Variants in INPP5D observed in about 807,000 individuals in gnomAD.
INPP5D encodes phosphatidylinositol 3,4,5-trisphosphate 5-phosphatase 1.
Under a neutral mutation model 122.9 loss-of-function variants are expected in INPP5D, and 33 were observed. The ratio of observed to expected loss-of-function variants is 0.27; its 90% CI spans 0.20 to 0.36. INPP5D has a LOEUF of 0.36. Ranked by LOEUF, INPP5D falls within the 10% of genes least tolerant of loss-of-function variation. The probability of loss-of-function intolerance (pLI) is 1.00; values close to 1 mark genes in which losing one functional copy is unlikely to be tolerated. For synonymous variants in INPP5D, 584 were observed against 576.2 expected, an observed-to-expected ratio of 1.01 and a Z score of -0.19; for missense variants, 1,053 against 1,412.7, an observed-to-expected ratio of 0.75 and a Z score of 4.08.
rs1693520793 is a variant in INPP5D at position 233,137,856 on chromosome 2, ATATATATATATATATATAT to A, written c.666-1985_666-1967del. Among the ~76,000 whole-genome samples the A allele has an allele frequency of 9.7e-4, 14 of 14,374 alleles. 3 individuals carry two copies. Among genetic ancestry groups the A allele is most frequent in the East Asian group, 4.2e-3 (2 of 474 alleles). The allele number at this position is 14,374 out of a possible 152,430, so 9.4% of individuals were successfully genotyped here. ...ACAAAAAAAAAAAAAAAAAAAAAAT[ATATATATATATATATATAT>A]ATATATATATATATATATATATACA... is the stretch of plus-strand genomic sequence containing the variant. On this transcript the variant is annotated intron_variant, in intron 5 of 26. Coordinates refer to ENST00000445964, the MANE Select transcript of INPP5D (RefSeq NM_001017915.3).
chr2:233,121,789 G>A (rs769105520), intron 2 of INPP5D, among the ~76,000 whole-genome samples: 1 of 152,086 alleles, frequency 6.6e-6, no homozygotes. Flanking sequence ...GCCTCCCAAA[G>A]TGCTGGGATT....
At chr2:233,154,157 G>GT (rs369946228) in intron 9 of INPP5D, among the ~76,000 whole-genome samples, 76,869 of 151,468 alleles carry the variant, frequency 0.51, 20,172 homozygotes, top group South Asian at 0.64. Context: ...AATTCTTTTT[G>GT]TTTTTTTTGA....
intron 3 of INPP5D, among the ~76,000 whole-genome samples, chr2:233,122,569 G>A (rs960953774): frequency 2.6e-5 from 4 of 152,206 alleles, no homozygotes; most frequent in African/African-American, 7.2e-5. Flanking sequence ...TTGGGAGGCC[G>A]AGGTGGGAGG....
intron 11 of INPP5D, among the ~76,000 whole-genome samples, chr2:233,162,520 T>A (rs181273446): frequency 6.6e-6 from 1 of 150,914 alleles, no homozygotes; most frequent in Non-Finnish European, 1.5e-5. Flanking sequence ...TATTGTGTAT[T>A]TACTAAACAC....
intron 1 of INPP5D, among the ~76,000 whole-genome samples, chr2:233,075,330 G>C (rs1244023864): frequency 6.6e-6 from 1 of 152,220 alleles, no homozygotes; most frequent in Non-Finnish European, 1.5e-5. Context: ...CTGAGAGCCA[G>C]TGTTAGCGTA....
chr2:233,144,394 A>ATG (rs1574761807), intron 6 of INPP5D, among the ~76,000 whole-genome samples: 1 of 97,034 alleles, frequency 1.0e-5, no homozygotes, highest in African/African-American at 4.2e-5. Flanking sequence ...TCACGGTGGG[A>ATG]GTGATAGGGG....
At chr2:233,121,544 G>A (rs894151763) in intron 2 of INPP5D, among the ~76,000 whole-genome samples, 6 of 72,178 alleles carry the variant, frequency 8.3e-5, no homozygotes, top group African/African-American at 2.6e-4. Context: ...ATTTTATTTC[G>A]AGACTGAGTT....
At chr2:233,174,881 G>A (rs1449092885) in intron 17 of INPP5D, among the ~76,000 whole-genome samples, 1 of 151,526 alleles carries the variant, frequency 6.6e-6, no homozygotes, top group Non-Finnish European at 1.5e-5. Context: ...CAGTAATTCC[G>A]CTTTGGTGTG....
chr2:233,184,481 G>A lies in INPP5D; in HGVS notation c.2235G>A (p.Gln745=), dbSNP rs1310005800. 5.2e-5 allele frequency: 84 copies of A among 1,613,914 alleles called. No individual in the cohort carries two copies. Among genetic ancestry groups the A allele is most frequent in the Non-Finnish European group, 6.9e-5 (81 of 1,179,908 alleles). The change falls in exon 20 of 27, where the codon CAG becomes CAA. Residue 745 remains glutamine (Q), a synonymous_variant. Coordinates refer to ENST00000445964, the MANE Select transcript of INPP5D (RefSeq NM_001017915.3). ...RCYATLKTKS[Q]TKFYLEFHSS... ...ATGCCACATTGAAGACCAAGTCCCA[G>A]ACCAAATTCTACCTGGAGTTCCACT...
At chr2:233,163,936 C>T (rs1574777494) in intron 12 of INPP5D, 33 bp downstream of exon 12, 11 of 1,607,498 alleles carry the variant, frequency 6.8e-6, no homozygotes, top group South Asian at 1.1e-5. Flanking sequence ...GGTGGGCTTC[C>T]GGGATAGAAT....
chr2:233,158,448 C>A, intron 10 of INPP5D, 29 bp downstream of exon 10: 1 of 693,614 alleles, frequency 1.4e-6, no homozygotes, highest in Non-Finnish European at 2.6e-6. Flanking sequence ...CTAAAATGGG[C>A]TGTGAGGTAG....
At chr2:233,083,009 A>G (rs1037099282) in intron 2 of INPP5D, among the ~76,000 whole-genome samples, 1 of 152,210 alleles carries the variant, frequency 6.6e-6, no homozygotes, top group Non-Finnish European at 1.5e-5. Flanking sequence ...TGCCCTTCAC[A>G]TGGTTATAGA....
chr2:233,186,832 C>T (rs1258186192), intron 21 of INPP5D, among the ~76,000 whole-genome samples: 1 of 148,934 alleles, frequency 6.7e-6, no homozygotes, highest in Non-Finnish European at 1.5e-5. Context: ...AAGCGATTCT[C>T]CTGCCTCACC....
At chr2:233,201,930 G>A (rs2106328593) in intron 25 of INPP5D, among the ~76,000 whole-genome samples, 1 of 152,248 alleles carries the variant, frequency 6.6e-6, no homozygotes, top group Admixed American at 6.5e-5. Flanking sequence ...TGTTACCTTT[G>A]GTCAGGGGAA....
Position 233,170,267 on chromosome 2 carries a change from G to A in INPP5D, c.1791+103G>A. 6.6e-7 allele frequency: 1 copy of A among 1,524,688 alleles called. No individual in the cohort carries two copies. The highest frequency in any genetic ancestry group is 2.1e-4 in the Middle Eastern group (1 of 4,670). The allele number at this position is 1,524,688 out of a possible 1,614,324, so 94.4% of individuals were successfully genotyped here. On this transcript the variant is annotated intron_variant, in intron 15 of 26. Transcript: ENST00000445964. The surrounding 1 kb of genome is among the most constrained non-coding windows in gnomAD (Gnocchi z 4.5). ...TCGTGGAGACATGTGAATCAAGTGG[G>A]CTGAGGCGGCTGCTCCCCTTGGGGG... is the stretch of plus-strand genomic sequence containing the variant.
chr2:233,112,029 G>A (rs1032041531), intron 2 of INPP5D, among the ~76,000 whole-genome samples: 32 of 148,302 alleles, frequency 2.2e-4, no homozygotes, highest in African/African-American at 6.7e-4. Flanking sequence ...ATGCCACTGC[G>A]CTCCAGCCTG....
intron 18 of INPP5D, among the ~76,000 whole-genome samples, chr2:233,179,205 T>C (rs1694723684): frequency 6.6e-6 from 1 of 152,226 alleles, no homozygotes; most frequent in African/African-American, 2.4e-5. Flanking sequence ...TCAAAGTGCC[T>C]GAGTCCTACC....
chr2:233,190,718 C>A (rs1260454096), intron 22 of INPP5D, among the ~76,000 whole-genome samples: 1 of 152,192 alleles, frequency 6.6e-6, no homozygotes, highest in Non-Finnish European at 1.5e-5. Flanking sequence ...CCTTGCTAGA[C>A]CACATGTGTG....
intron 3 of INPP5D, 111 bp downstream of exon 3, chr2:233,122,368 G>C (rs534686804): frequency 4.2e-6 from 5 of 1,204,124 alleles, no homozygotes; most frequent in Non-Finnish European, 5.8e-6. Context: ...GATTGTTGGC[G>C]TGGGGGTTAA....
Sources: allele counts gnomAD v4.1 joint callset (sites outside exome capture counted in the v4.1 genomes callset), GRCh38; gene constraint gnomAD v4.1.1; non-coding constraint Gnocchi (gnomAD v3.1); transcripts MANE v1.5; gene names NCBI Gene and HGNC (gene_info 2026-07-23, HGNC 2026-07-21).